Variants in SPG11 observed in about 807,000 individuals in gnomAD.
The protein encoded by SPG11 is spatacsin.
Under a neutral mutation model 274.0 loss-of-function variants are expected in SPG11, and 222 were observed. The observed-to-expected ratio is 0.81, with a 90% confidence interval of 0.73 to 0.91. The LOEUF (loss-of-function observed/expected upper bound fraction) is 0.91. Ranked by LOEUF, SPG11 falls within the 40% of genes least tolerant of loss-of-function variation. SPG11 has a pLI of 0.00. For missense variants in SPG11, 3,114 were observed against 2,872.7 expected (o/e 1.08, Z -1.92); for synonymous variants, 1,144 against 1,039.7 (o/e 1.10, Z -1.93).
intron 7 of SPG11, among the ~76,000 whole-genome samples, chr15:44,641,183 T>A (rs1215240783): frequency 6.6e-6 from 1 of 152,086 alleles, no homozygotes. Context: ...TAATCCCAGC[T>A]ACTTAGAAGG....
chr15:44,610,925 T>C lies in SPG11; in HGVS notation c.3206A>G (p.Gln1069Arg). 2 of 1,613,954 alleles carry C rather than the reference T, an allele frequency of 1.2e-6. No homozygotes were observed. Among genetic ancestry groups the C allele is most frequent in the East Asian group, 2.2e-5 (1 of 44,864 alleles). The change falls in exon 18 of 40, where the codon CAG (glutamine) becomes CGG (arginine). Residue 1069 changes from glutamine (Q) to arginine (R), a missense_variant. Physicochemically the swap from Gln to Arg is conservative, Grantham distance 43. Coordinates refer to ENST00000261866, the MANE Select transcript of SPG11 (RefSeq NM_025137.4). ...ANAQILIPTN[Q>R]ASVSSMLLEG... ...CAATAGCATACTGCTTACACTGGCC[T>C]GATTGGTGGGAATCAAAATCTGAGC...
At chr15:44,585,355 A>T (rs1437125835) in intron 29 of SPG11, among the ~76,000 whole-genome samples, 1 of 150,750 alleles carries the variant, frequency 6.6e-6, no homozygotes, top group East Asian at 2.0e-4. Context: ...TTTGGGAGGC[A>T]GAGGCGGGCG....
rs372380495 is a variant in SPG11, at chr15:44,583,839, G to C, written c.5841C>G (p.Asp1947Glu). 25 of 1,614,070 alleles carry C rather than the reference G, an allele frequency of 1.5e-5. No homozygotes were observed. Among genetic ancestry groups the C allele is most frequent in the Non-Finnish European group, 2.1e-5 (25 of 1,180,048 alleles). Residue 1947 changes from aspartate (D) to glutamate (E), a missense_variant, in exon 30 of 40, where the codon GAC (aspartate) becomes GAG (glutamate). Physicochemically the swap from Asp to Glu is conservative, Grantham distance 45 (BLOSUM62 2). Coordinates refer to ENST00000261866, the MANE Select transcript of SPG11 (RefSeq NM_025137.4). ...TGCTGTGGACTCTCCTTAGGGGAAT[G>C]TCGGGTGCTTCTTCCTCAAGCAGCT... ...SAELLEEEAPDIPLRRVHSTS... is the reference protein window; with the variant it reads ...SAELLEEEAPEIPLRRVHSTS...
intron 28 of SPG11, 42 bp from the exon 29 acceptor site, chr15:44,585,892 A>T: frequency 6.5e-7 from 1 of 1,541,836 alleles, no homozygotes; most frequent in Non-Finnish European, 9.0e-7. Context: ...AGTCAATAAA[A>T]TGCCACTACA....
chr15:44,578,652 A>C (rs1258707293), intron 30 of SPG11, among the ~76,000 whole-genome samples: 1 of 152,198 alleles, frequency 6.6e-6, no homozygotes, highest in Admixed American at 6.5e-5. Context: ...CAGATTGACC[A>C]CTAGGTGGCG....
chr15:44,631,168 G>A (rs1392131649), intron 8 of SPG11, among the ~76,000 whole-genome samples: 3 of 152,092 alleles, frequency 2.0e-5, no homozygotes, highest in African/African-American at 7.2e-5. Flanking sequence ...ATATATATGT[G>A]AAATTACACA....
chr15:44,654,000 C>T (rs902614283), intron 4 of SPG11, among the ~76,000 whole-genome samples: 7 of 152,126 alleles, frequency 4.6e-5, no homozygotes, highest in African/African-American at 1.7e-4. Flanking sequence ...GTTGCCCAGG[C>T]TGGAGTGCAG....
Position 44,654,315 on chromosome 15 carries a change from G to T in SPG11, c.870-2049C>A, listed in dbSNP as rs1004718803. Among the ~76,000 whole-genome samples the T allele has an allele frequency of 2.0e-5, 3 of 151,934 alleles. No homozygotes were observed. The South Asian group carries it at 6.2e-4, about 32-fold the overall frequency. ...ACTTGAGGTCAGGCGTTCAAGACCA[G>T]CCCGGCCAACATGGCGAAACCGTTT... On this transcript the variant is annotated intron_variant, in intron 4 of 39. Coordinates refer to ENST00000261866, the MANE Select transcript of SPG11 (RefSeq NM_025137.4).
chr15:44,621,583 TC>T (rs1216287927), intron 14 of SPG11, 175 bp downstream of exon 14: 1 of 647,818 alleles, frequency 1.5e-6, no homozygotes, highest in Non-Finnish European at 2.7e-6. Flanking sequence ...TATAAATCCC[TC>T]CCAGAAACTC....
intron 30 of SPG11, among the ~76,000 whole-genome samples, chr15:44,576,135 T>A (rs1421924038): frequency 3.0e-5 from 1 of 32,854 alleles, no homozygotes; most frequent in Non-Finnish European, 5.2e-5. Context: ...AGAATGAAAC[T>A]CCATCTCAAA....
intron 11 of SPG11, among the ~76,000 whole-genome samples, chr15:44,623,728 A>C (rs2083817641): frequency 6.6e-6 from 1 of 152,048 alleles, no homozygotes; most frequent in African/African-American, 2.4e-5. Flanking sequence ...TCCTAATCAA[A>C]GTGCCAGGTC....
intron 8 of SPG11, among the ~76,000 whole-genome samples, chr15:44,632,255 T>C (rs1035053356): frequency 1.4e-4 from 22 of 152,324 alleles, no homozygotes; most frequent in African/African-American, 4.3e-4. Flanking sequence ...TTTGATGCTA[T>C]GGAACTTTAG....
rs1201949624 is a variant in SPG11, at chr15:44,584,315, C to A, written c.5365G>T (p.Val1789Leu). 2 of 1,611,424 alleles carry A rather than the reference C, an allele frequency of 1.2e-6. No individual in the cohort carries two copies. The highest frequency in any genetic ancestry group is 2.2e-5 in the East Asian group (1 of 44,862). Residue 1789 changes from valine (V) to leucine (L), a missense_variant, in exon 30 of 40, where the codon GTG (valine) becomes TTG (leucine). By Grantham distance (32) the Val-to-Leu change is conservative. Transcript: ENST00000261866. ...AGHWLAQEDV[V>L]PLDKLEELEK... ...AGCTCCTCCAGCTTATCCAAGGGCA[C>A]CACGTCCTCCTGGGCAAGCCAGTGC...
At chr15:44,603,934 T>C (rs189675879) in intron 20 of SPG11, among the ~76,000 whole-genome samples, 2 of 152,308 alleles carry the variant, frequency 1.3e-5, no homozygotes, top group East Asian at 3.9e-4. Flanking sequence ...CTGAGGTTGG[T>C]TGAATCCTTG....
chr15:44,598,398 T>C (rs369258612), intron 22 of SPG11, 25 bp from the exon 23 acceptor site: 4 of 1,595,808 alleles, frequency 2.5e-6, no homozygotes, highest in Non-Finnish European at 3.4e-6. Context: ...AACAACAAAA[T>C]ATGGTGAAGA....
intron 7 of SPG11, among the ~76,000 whole-genome samples, chr15:44,635,875 C>T (rs1294045476): frequency 1.3e-5 from 2 of 151,606 alleles, no homozygotes; most frequent in East Asian, 3.9e-4. Context: ...CGAGATTGCG[C>T]CATTGCACTC....
At chr15:44,604,795 G>A (rs2083278361) in intron 20 of SPG11, among the ~76,000 whole-genome samples, 1 of 151,538 alleles carries the variant, frequency 6.6e-6, no homozygotes, top group Non-Finnish European at 1.5e-5. Flanking sequence ...AGGCGTGGTG[G>A]TGGGTACCTG....
chr15:44,660,689 G>A (rs2085079840), intron 1 of SPG11, 73 bp from the exon 2 acceptor site: 2 of 1,420,986 alleles, frequency 1.4e-6, no homozygotes, highest in Non-Finnish European at 2.0e-6. Flanking sequence ...GGGGGTAGAA[G>A]GGTTGAATAA....
chr15:44,629,317 T>A lies in SPG11; in HGVS notation c.1807A>T (p.Ser603Cys). Residue 603 changes from serine to cysteine, a missense_variant, in exon 9 of 40, where the codon AGC becomes TGC. Ser to Cys is a moderately radical substitution (Grantham distance 112). Coordinates refer to ENST00000261866, the MANE Select transcript of SPG11 (RefSeq NM_025137.4). ...AGCAATTGTTCTGAAAAGTGTTTGC[T>A]TTGGGGTTCAGAATAACTTTCTCTA... ...AIRESYSEPQSKHFSEQLLNL... is the reference protein window; with the variant it reads ...AIRESYSEPQCKHFSEQLLNL... 1 of 1,614,176 alleles carries A rather than the reference T, an allele frequency of 6.2e-7. No individual in the cohort carries two copies. Among genetic ancestry groups the A allele is most frequent in the Non-Finnish European group, 8.5e-7 (1 of 1,179,996 alleles).
Sources: allele counts gnomAD v4.1 joint callset (sites outside exome capture counted in the v4.1 genomes callset), GRCh38; gene constraint gnomAD v4.1.1; transcripts MANE v1.5; gene names NCBI Gene and HGNC (gene_info 2026-07-23, HGNC 2026-07-21).